KCNJ6: variants seen among roughly 807,000 people sequenced by gnomAD.
KCNJ6 encodes the protein G protein-activated inward rectifier potassium channel 2.
A neutral mutation model predicts 34.2 loss-of-function variants in KCNJ6; 9 were observed. The ratio of observed to expected loss-of-function variants is 0.26; its 90% CI spans 0.16 to 0.46. KCNJ6 has a LOEUF of 0.46. Among genes scored for constraint, KCNJ6 ranks in the 20% least tolerant of loss-of-function variants. KCNJ6 has a pLI of 1.00. For synonymous variants in KCNJ6, 196 were observed against 207.1 expected (o/e 0.95, Z 0.46); for missense variants, 236 against 531.3 (o/e 0.44, Z 5.46).
intron 3 of KCNJ6, among the ~76,000 whole-genome samples, chr21:37,706,079 G>T (rs1181355746): frequency 6.6e-6 from 1 of 152,170 alleles, no homozygotes; most frequent in African/African-American, 2.4e-5. Context: ...TTAAGAAGTG[G>T]GAAGGGAACA....
intron 3 of KCNJ6, among the ~76,000 whole-genome samples, chr21:37,660,282 C>T (rs554261892): frequency 6.6e-6 from 1 of 152,382 alleles, no homozygotes; most frequent in Admixed American, 6.5e-5. Flanking sequence ...ATTCCTGCCA[C>T]AGGGTGCAAG....
intron 2 of KCNJ6, among the ~76,000 whole-genome samples, chr21:37,817,719 C>T (rs536407188): frequency 1.1e-4 from 17 of 152,184 alleles, no homozygotes; most frequent in East Asian, 7.7e-4. Flanking sequence ...CTGTTGTTGC[C>T]GTTGTTTTGG....
At chr21:37,765,313 A>G (rs1488415525) in intron 2 of KCNJ6, among the ~76,000 whole-genome samples, 1 of 152,220 alleles carries the variant, frequency 6.6e-6, no homozygotes, top group Admixed American at 6.5e-5. Flanking sequence ...AGACTGTAAA[A>G]CAAAACCAGT....
chr21:37,679,211 C>T (rs888903122), intron 3 of KCNJ6, among the ~76,000 whole-genome samples: 3 of 152,208 alleles, frequency 2.0e-5, no homozygotes, highest in Non-Finnish European at 2.9e-5. Flanking sequence ...CCCCAGCCAA[C>T]ATCTTGATTG....
At chr21:37,713,360 G>A (rs1302401235) in intron 3 of KCNJ6, among the ~76,000 whole-genome samples, 1 of 152,096 alleles carries the variant, frequency 6.6e-6, no homozygotes, top group Non-Finnish European at 1.5e-5. Context: ...TAATGAATTA[G>A]GGTTCTGGTT....
chr21:37,685,680 CCAAAAAAAAA>C (rs2054611727), intron 3 of KCNJ6, among the ~76,000 whole-genome samples: 1 of 17,466 alleles, frequency 5.7e-5, no homozygotes, highest in Admixed American at 1.1e-3. Flanking sequence ...GACTCTGTCT[CCAAAAAAAAA>C]AAAAAAAAAA....
chr21:37,711,167 C>A (rs750292891), intron 3 of KCNJ6, among the ~76,000 whole-genome samples: 1 of 152,198 alleles, frequency 6.6e-6, no homozygotes, highest in Non-Finnish European at 1.5e-5. Context: ...CCCTGCAATG[C>A]GGCTGGCATT....
intron 1 of KCNJ6, among the ~76,000 whole-genome samples, chr21:37,906,385 A>G (rs1023518105): frequency 6.6e-6 from 1 of 152,186 alleles, no homozygotes; most frequent in Non-Finnish European, 1.5e-5. Context: ...TATCGTGGGA[A>G]GAAGGCTGTG....
chr21:37,715,597 G>C (rs1225074228), intron 2 of KCNJ6, among the ~76,000 whole-genome samples: 2 of 152,342 alleles, frequency 1.3e-5, no homozygotes, highest in African/African-American at 4.8e-5. Context: ...AAATCCATAT[G>C]GGGCTTGAGC....
At chr21:37,655,214 TGTGTGTGTGTGA>T (rs2054454136) in intron 3 of KCNJ6, among the ~76,000 whole-genome samples, 7 of 72,346 alleles carry the variant, frequency 9.7e-5, no homozygotes, top group Non-Finnish European at 1.5e-4. Context: ...TGTGTGTGTG[TGTGTGTGTGTGA>T]GAGAGAGAGA....
At chr21:37,870,981 T>C (rs1447108375) in intron 1 of KCNJ6, among the ~76,000 whole-genome samples, 2 of 152,194 alleles carry the variant, frequency 1.3e-5, no homozygotes, top group Non-Finnish European at 2.9e-5. Context: ...ATTATCTCTA[T>C]CTACCCAGAT....
chr21:37,728,673 G>T (rs2054867989), intron 2 of KCNJ6, among the ~76,000 whole-genome samples: 1 of 137,330 alleles, frequency 7.3e-6, no homozygotes, highest in Non-Finnish European at 1.5e-5. Flanking sequence ...GATGCCTCTG[G>T]GTAGGTATGT....
At chr21:37,815,750 T>C (rs528469397) in intron 2 of KCNJ6, among the ~76,000 whole-genome samples, 8 of 152,198 alleles carry the variant, frequency 5.3e-5, no homozygotes, top group Non-Finnish European at 7.3e-5. Context: ...GGAGCAGGGA[T>C]CTCACAGTTT....
intron 2 of KCNJ6, among the ~76,000 whole-genome samples, chr21:37,759,793 T>A (rs1187334111): frequency 1.3e-5 from 2 of 152,206 alleles, no homozygotes; most frequent in Non-Finnish European, 2.9e-5. Context: ...AGGCAGAGTG[T>A]CATTCCTCTC....
At chr21:37,709,940 T>G (rs2054742570) in intron 3 of KCNJ6, among the ~76,000 whole-genome samples, 1 of 152,226 alleles carries the variant, frequency 6.6e-6, no homozygotes, top group Non-Finnish European at 1.5e-5. Context: ...CAACTTCCGA[T>G]TAATTGGCCT....
intron 2 of KCNJ6, among the ~76,000 whole-genome samples, chr21:37,794,242 C>G (rs141066452): frequency 6.6e-6 from 1 of 152,162 alleles, no homozygotes; most frequent in African/African-American, 2.4e-5. Flanking sequence ...GGTTGTGACC[C>G]TTCATCATAC....
chr21:37,612,803 A>G lies in KCNJ6; in HGVS notation c.*12356T>C, dbSNP rs1260476596. ...CAAAAATTAACTCAAAATCGGTCACAGATCTAATGTAAAATGCAAAACTAT... is the reference window on the plus strand; with the variant it reads ...CAAAAATTAACTCAAAATCGGTCACGGATCTAATGTAAAATGCAAAACTAT... On this transcript the variant is annotated 3_prime_UTR_variant, in exon 4 of 4. Coordinates refer to ENST00000609713, the MANE Select transcript of KCNJ6 (RefSeq NM_002240.5). 6.6e-6 allele frequency: 1 copy of G among 151,848 alleles called. No homozygotes were observed. The highest frequency in any genetic ancestry group is 2.4e-5 in the African/African-American group (1 of 41,376). The allele number at this position is 151,848 out of a possible 1,614,324, so 9.4% of individuals were successfully genotyped here.
Position 37,614,794 on chromosome 21 carries a change from A to G in KCNJ6, c.*10365T>C, listed in dbSNP as rs1400703635. The G allele has an allele frequency of 6.9e-6, 1 of 145,620 alleles. No homozygotes were observed. The allele number at this position is 145,620 out of a possible 1,614,324, so 9.0% of individuals were successfully genotyped here. A position where few individuals can be genotyped will look rare whatever the true frequency, so the allele number is the denominator to read the frequency against. On this transcript the variant is annotated 3_prime_UTR_variant, in exon 4 of 4. Coordinates refer to ENST00000609713, the MANE Select transcript of KCNJ6 (RefSeq NM_002240.5). ...TCTGTGTGTATGTGTGTGTGTATGCATGTGTCTGTGTGTGTATTTGTGTGT... is the reference window on the plus strand; with the variant it reads ...TCTGTGTGTATGTGTGTGTGTATGCGTGTGTCTGTGTGTGTATTTGTGTGT...
At chr21:37,725,753 C>G (rs959754617) in intron 2 of KCNJ6, among the ~76,000 whole-genome samples, 9 of 152,156 alleles carry the variant, frequency 5.9e-5, no homozygotes, top group Non-Finnish European at 8.8e-5. Flanking sequence ...TCAGAAACAA[C>G]CCAAATGTCT....
Sources: gnomAD v4.1 joint callset for allele counts (sites outside exome capture counted in the v4.1 genomes callset) on GRCh38, gnomAD v4.1.1 for gene constraint, MANE v1.5 for transcripts, NCBI Gene and HGNC (gene_info 2026-07-23, HGNC 2026-07-21) for gene names.